SLC5A4: variants seen among roughly 807,000 people sequenced by gnomAD.
SLC5A4 encodes probable glucose sensor protein SLC5A4.
A neutral mutation model predicts 70.3 loss-of-function variants in SLC5A4; 55 were observed. That is an observed-to-expected ratio of 0.78 (90% CI 0.63 to 0.98). The LOEUF is 0.98. SLC5A4 is among the 50% of genes least tolerant of loss of function. The probability of loss-of-function intolerance (pLI) is 0.00; values close to 1 mark genes in which losing one functional copy is unlikely to be tolerated. For synonymous variants in SLC5A4, 268 were observed against 305.7 expected, an observed-to-expected ratio of 0.88 and a Z score of 1.29; for missense variants, 735 against 839.2, an observed-to-expected ratio of 0.88 and a Z score of 1.53.
the SLC5A4 span, among the ~76,000 whole-genome samples, chr22:32,291,206 C>CTT: frequency 0.3 from 38,874 of 128,462 alleles, 6,291 homozygotes; most frequent in Admixed American, 0.39. Context: ...TTTGACTGTT[C>CTT]TTTTTTTTTT....
chr22:32,292,066 GT>G, the SLC5A4 span, among the ~76,000 whole-genome samples: 1 of 133,008 alleles, frequency 7.5e-6, no homozygotes, highest in Non-Finnish European at 1.5e-5. Context: ...TAGAGACGGG[GT>G]TTTAGTATAT....
At chr22:32,279,227 G>A in the SLC5A4 span, among the ~76,000 whole-genome samples, 5 of 152,252 alleles carry the variant, frequency 3.3e-5, no homozygotes, top group Non-Finnish European at 7.3e-5. Context: ...AGTGAGCGGA[G>A]ATTGCGCCGC....
At chr22:32,313,529 G>A in the SLC5A4 span, among the ~76,000 whole-genome samples, 1 of 152,308 alleles carries the variant, frequency 6.6e-6, no homozygotes, top group Admixed American at 6.5e-5. Flanking sequence ...CCTGGAATAG[G>A]GAAGAGCCAG....
chr22:32,251,957 T>C (rs1267282845), intron 2 of SLC5A4, 83 bp from the exon 3 acceptor site: 5 of 1,039,460 alleles, frequency 4.8e-6, no homozygotes, highest in East Asian at 2.4e-5. Context: ...TAGCTGGGCG[T>C]GGTGGCTCAC....
intron 13 of SLC5A4, among the ~76,000 whole-genome samples, chr22:32,223,253 C>T (rs1042974116): frequency 2.6e-5 from 4 of 152,084 alleles, no homozygotes; most frequent in Admixed American, 2.6e-4. Context: ...AGAGAAAATC[C>T]TTATACACAT....
the SLC5A4 span, among the ~76,000 whole-genome samples, chr22:32,347,295 G>A: frequency 2.6e-5 from 4 of 152,156 alleles, no homozygotes; most frequent in Non-Finnish European, 5.9e-5. Context: ...AAGTCAGTGT[G>A]GAGATTCCTC....
At chr22:32,304,302 G>A in the SLC5A4 span, among the ~76,000 whole-genome samples, 2 of 151,328 alleles carry the variant, frequency 1.3e-5, no homozygotes, top group South Asian at 2.1e-4. Context: ...ATTTTTGTGG[G>A]GTTTTTTTCC....
chr22:32,316,093 C>A, the SLC5A4 span, among the ~76,000 whole-genome samples: 2 of 134,746 alleles, frequency 1.5e-5, no homozygotes, highest in East Asian at 4.2e-4. Flanking sequence ...CGCTTGAACC[C>A]AGGAGACTCT....
At chr22:32,256,806 A>G (rs1465542186), upstream of SLC5A4, among the ~76,000 whole-genome samples, 2 of 152,226 alleles carry the variant, frequency 1.3e-5, no homozygotes, top group African/African-American at 4.8e-5. Flanking sequence ...CATTTTGTTT[A>G]TCCATTCAAC....
At chr22:32,269,458 C>A in the SLC5A4 span, 2 of 517,694 alleles carry the variant, frequency 3.9e-6, no homozygotes, top group South Asian at 3.4e-5. This position sits in a 1 kb window ranked among gnomAD's most constrained non-coding sequence, Gnocchi z 4.1. Flanking sequence ...ACGGCTACTA[C>A]AAGCCCATCC....
chr22:32,336,687 C>G, the SLC5A4 span, among the ~76,000 whole-genome samples: 80 of 151,916 alleles, frequency 5.3e-4, no homozygotes, highest in African/African-American at 1.8e-3. Context: ...AGGTCTAGTT[C>G]ATTCTAGAAG....
chr22:32,308,538 G>A, the SLC5A4 span, among the ~76,000 whole-genome samples: 11 of 152,184 alleles, frequency 7.2e-5, no homozygotes, highest in East Asian at 5.8e-4. Flanking sequence ...TTGGGATGAC[G>A]GTTAACTGGA....
At chr22:32,280,043 TCTCA>T in the SLC5A4 span, among the ~76,000 whole-genome samples, 1 of 152,222 alleles carries the variant, frequency 6.6e-6, no homozygotes. Flanking sequence ...TGAGACATAG[TCTCA>T]CTGTGTTGCC....
At chr22:32,329,850 T>G in the SLC5A4 span, among the ~76,000 whole-genome samples, 2 of 24,246 alleles carry the variant, frequency 8.2e-5, no homozygotes, top group Non-Finnish European at 1.4e-4. Context: ...GTGTGTGTGT[T>G]GGGGGCTCTG....
At chr22:32,337,364 C>G in the SLC5A4 span, among the ~76,000 whole-genome samples, 1 of 152,182 alleles carries the variant, frequency 6.6e-6, no homozygotes, top group Non-Finnish European at 1.5e-5. Flanking sequence ...AAAACTCTGT[C>G]TCTACTAAAA....
At chr22:32,221,076 T>C (rs1603222010) in intron 13 of SLC5A4, 54 bp from the exon 14 acceptor site, 3 of 1,053,180 alleles carry the variant, frequency 2.8e-6, no homozygotes, top group East Asian at 4.7e-5. Context: ...TTTGCAATAG[T>C]ATAATAGAAT....
At position 32,235,066 on chromosome 22, in the gene SLC5A4, C is replaced by T. The variant is rs577190818; in HGVS notation, c.692G>A (p.Ser231Asn). The change falls in exon 8 of 15, where the codon AGC becomes AAC. Residue 231 changes from serine (S) to asparagine (N), a missense_variant. By Grantham distance (46) the Ser-to-Asn change is conservative. Coordinates refer to ENST00000266086, the MANE Select transcript of SLC5A4 (RefSeq NM_014227.3). ...FAFNEVGGYE[S>N]FTEKYVNATP... ...GGCATTCACGTACTTCTCGGTAAAG[C>T]TCTCATAACCTCCAACTTCGTTAAA... 24 of 1,613,554 alleles carry T rather than the reference C, an allele frequency of 1.5e-5. No homozygotes were observed. The South Asian group carries it at 2.4e-4, about 16-fold the overall frequency.
At chr22:32,321,991 G>T in the SLC5A4 span, among the ~76,000 whole-genome samples, 1 of 152,150 alleles carries the variant, frequency 6.6e-6, no homozygotes, top group Non-Finnish European at 1.5e-5. Context: ...GCATAATTTG[G>T]GCATCACACT....
At chr22:32,294,012 C>T in the SLC5A4 span, among the ~76,000 whole-genome samples, 11 of 152,122 alleles carry the variant, frequency 7.2e-5, no homozygotes, top group Admixed American at 5.9e-4. Context: ...TCTCCACCCC[C>T]ACCCCAGCCC....
Sources: gnomAD v4.1 joint callset for allele counts (sites outside exome capture counted in the v4.1 genomes callset) on GRCh38, gnomAD v4.1.1 for gene constraint, Gnocchi (gnomAD v3.1) non-coding constraint, MANE v1.5 for transcripts, NCBI Gene and HGNC (gene_info 2026-07-23, HGNC 2026-07-21) for gene names.